Variants in DMD observed in about 807,000 individuals in gnomAD.
The protein encoded by DMD is dystrophin.
DMD carries 63 observed loss-of-function variants against 330.1 expected under a neutral mutation model. The ratio of observed to expected loss-of-function variants is 0.19; its 90% CI spans 0.16 to 0.24. DMD has a LOEUF of 0.24. Among genes scored for constraint, DMD ranks in the 10% least tolerant of loss-of-function variants. DMD has a pLI of 1.00. For missense variants in DMD, 3,344 were observed against 2,684.1 expected (o/e 1.25, Z -5.43); for synonymous variants, 1,223 against 959.8 (o/e 1.27, Z -5.07).
intron 21 of DMD, among the ~76,000 whole-genome samples, chrX:32,479,633 A>G (rs929652161): frequency 2.7e-5 from 3 of 110,022 alleles, no homozygotes; most frequent in Non-Finnish European, 3.8e-5. Flanking sequence ...TAAAGACTGT[A>G]TAGTATTCCA....
At chrX:31,471,279 G>A (rs113221391) in intron 59 of DMD, among the ~76,000 whole-genome samples, 301 of 112,152 alleles carry the variant, frequency 2.7e-3, no homozygotes, top group African/African-American at 9.0e-3. Context: ...CCCTGGTGGC[G>A]TAGGCACCCG....
At position 32,429,392 on chromosome X, in the gene DMD, T is replaced by TTG. The variant is rs1242604161; in HGVS notation, c.4071+8848_4071+8849insCA. Among the ~76,000 whole-genome samples the TTG allele has an allele frequency of 1.2e-4, 9 of 76,414 alleles. 1 individual carries two copies. Among genetic ancestry groups the TTG allele is most frequent in the African/African-American group, 4.5e-4 (9 of 19,850 alleles). The allele number at this position is 76,414 out of a possible 115,157, so 66.4% of individuals were successfully genotyped here. ...GCCTGGATACTTTTTTTTGGGTTTT[T>TTG]TTTTTTTTTTTTTTTTTTTGTATTT... On this transcript the variant is annotated intron_variant, in intron 29 of 78. Transcript: ENST00000357033.
intron 42 of DMD, among the ~76,000 whole-genome samples, chrX:32,295,273 G>T (rs910386033): frequency 1.8e-5 from 2 of 111,847 alleles, no homozygotes; most frequent in Admixed American, 1.9e-4. Flanking sequence ...TAGGATATTT[G>T]CATCTCTGAT....
chrX:33,072,576 T>A (rs1446070848), intron 1 of DMD, among the ~76,000 whole-genome samples: 1 of 111,793 alleles, frequency 8.9e-6, no homozygotes, highest in Admixed American at 9.5e-5. Flanking sequence ...CTAAATAACT[T>A]CTGAATCACC....
intron 7 of DMD, among the ~76,000 whole-genome samples, chrX:32,730,752 G>C (rs1358065645): frequency 8.9e-6 from 1 of 112,105 alleles, no homozygotes; most frequent in Non-Finnish European, 1.9e-5. Context: ...TTTATTAAGA[G>C]TGTGGAGGCT....
chrX:31,602,906 C>T (rs1479170875), intron 55 of DMD, among the ~76,000 whole-genome samples: 3 of 111,945 alleles, frequency 2.7e-5, no homozygotes, highest in Non-Finnish European at 5.6e-5. Context: ...TTTCACATCC[C>T]TAGTAGTATC....
chrX:31,852,797 A>C (rs2093552422), intron 48 of DMD, among the ~76,000 whole-genome samples: 1 of 112,602 alleles, frequency 8.9e-6, no homozygotes, highest in Admixed American at 9.4e-5. Flanking sequence ...ATTTTTAATA[A>C]TCAAACATTA....
chrX:31,220,458 T>C lies in DMD; in HGVS notation c.9361+2589A>G, dbSNP rs888035520. 2.1e-4 allele frequency among the ~76,000 whole-genome samples: 24 copies of C among 112,044 alleles called. No homozygotes were observed. The Admixed American group carries it at 2.3e-3, about 11-fold the overall frequency. On this transcript the variant is annotated intron_variant, in intron 64 of 78. Transcript: ENST00000357033. ...TTTATGCTGACATCCCAGCAACATC[T>C]GACCCTGGTAACGGGTTCTTTCTTT...
chrX:32,323,105 G>A (rs2097628354), intron 41 of DMD, among the ~76,000 whole-genome samples: 1 of 111,840 alleles, frequency 8.9e-6, no homozygotes, highest in Non-Finnish European at 1.9e-5. Context: ...AACATGTACA[G>A]ACATTTTTAT....
At chrX:31,750,007 T>TA (rs1486626488) in intron 51 of DMD, among the ~76,000 whole-genome samples, 1 of 109,859 alleles carries the variant, frequency 9.1e-6, no homozygotes, top group Non-Finnish European at 1.9e-5. Flanking sequence ...TTTTTTCTTG[T>TA]AAATTTGTTG....
At chrX:33,241,199 G>A (rs1463555459) in intron 1 of DMD, among the ~76,000 whole-genome samples, 34 of 111,848 alleles carry the variant, frequency 3.0e-4, no homozygotes, top group East Asian at 2.8e-4. Context: ...CAGGTCTTAC[G>A]TTTATGCCTT....
At chrX:32,298,110 G>A (rs753310309) in intron 42 of DMD, among the ~76,000 whole-genome samples, 1 of 109,886 alleles carries the variant, frequency 9.1e-6, no homozygotes, top group South Asian at 4.0e-4. Flanking sequence ...TTGAACAGAA[G>A]CAGAAAGGGG....
At chrX:32,695,785 AG>A (rs764939545) in intron 9 of DMD, among the ~76,000 whole-genome samples, 1 of 112,028 alleles carries the variant, frequency 8.9e-6, no homozygotes, top group Non-Finnish European at 1.9e-5. Context: ...TGTTGATAAA[AG>A]AACAAGTACA....
At chrX:32,138,933 T>C (rs2096740389) in intron 44 of DMD, among the ~76,000 whole-genome samples, 1 of 112,525 alleles carries the variant, frequency 8.9e-6, no homozygotes, top group South Asian at 3.6e-4. Flanking sequence ...TCAAAAAGCA[T>C]AGCCAATTGC....
chrX:32,329,909 T>C (rs1317329761), intron 41 of DMD, among the ~76,000 whole-genome samples: 1 of 112,516 alleles, frequency 8.9e-6, no homozygotes, highest in Non-Finnish European at 1.9e-5. Context: ...TATGGGCACT[T>C]GGATTATATT....
intron 44 of DMD, among the ~76,000 whole-genome samples, chrX:32,198,921 CA>C (rs965738998): frequency 2.7e-5 from 3 of 111,882 alleles, no homozygotes; most frequent in Non-Finnish European, 5.6e-5. Flanking sequence ...ACATATCATA[CA>C]AAAAAAATCT....
At chrX:32,902,820 T>G in intron 2 of DMD, among the ~76,000 whole-genome samples, 2 of 110,505 alleles carry the variant, frequency 1.8e-5, no homozygotes, top group African/African-American at 6.7e-5. Flanking sequence ...ATGGTGTCTA[T>G]ATACGTGGGA....
Position 32,948,389 on chromosome X carries a change from G to T in DMD, c.93+71750C>A, listed in dbSNP as rs1225551354. On this transcript the variant is annotated intron_variant, in intron 2 of 78. Transcript: ENST00000357033. ...GGATTAGACAGTCCAAAACATAACA[G>T]ATTGTACTTGTGTTTGCTCTGGTAA... Among the ~76,000 whole-genome samples, 7 of 111,770 alleles carry T rather than the reference G, an allele frequency of 6.3e-5. No individual in the cohort carries two copies. The Admixed American group carries it at 6.7e-4, about 11-fold the overall frequency.
chrX:31,207,354 T>C (rs1330500782), intron 65 of DMD, among the ~76,000 whole-genome samples: 3 of 101,114 alleles, frequency 3.0e-5, no homozygotes, highest in Non-Finnish European at 6.1e-5. Context: ...TATATTTGCA[T>C]ATAGAAAACT....
Sources: gnomAD v4.1 joint callset for allele counts (sites outside exome capture counted in the v4.1 genomes callset) on GRCh38, gnomAD v4.1.1 for gene constraint, MANE v1.5 for transcripts, NCBI Gene and HGNC (gene_info 2026-07-23, HGNC 2026-07-21) for gene names.